Variants in ANO3 observed in about 807,000 individuals in gnomAD.
ANO3 encodes the protein anoctamin 3.
A neutral mutation model predicts 144.8 loss-of-function variants in ANO3; 99 were observed. That is an observed-to-expected ratio of 0.68 (90% CI 0.58 to 0.81). ANO3 has a LOEUF of 0.81. ANO3 is among the 30% of genes least tolerant of loss of function. The pLI is 0.00. For missense variants in ANO3, 905 were observed against 1,202.2 expected (o/e 0.75, Z 3.66); for synonymous variants, 414 against 392.6 (o/e 1.05, Z -0.64).
intron 1 of ANO3, among the ~76,000 whole-genome samples, chr11:26,235,771 T>A (rs1445205527): frequency 6.6e-6 from 1 of 151,034 alleles, no homozygotes; most frequent in South Asian, 2.1e-4. Flanking sequence ...TTTTGTGTCG[T>A]CCCCCCACAA....
chr11:26,611,309 G>T (rs1301662202), intron 17 of ANO3, among the ~76,000 whole-genome samples: 1 of 151,708 alleles, frequency 6.6e-6, no homozygotes, highest in Non-Finnish European at 1.5e-5. Context: ...GGTATGATGT[G>T]TTTCCAGTCT....
rs1276837209 is a variant in ANO3 at position 26,347,198 on chromosome 11, C to T, written c.46+14877C>T. On this transcript the variant is annotated intron_variant, in intron 1 of 26. Transcript: ENST00000256737. Reference sequence around the variant, plus strand: ...GGACTCTTACATGTGTAAAATAACACGTGCTTCATATGGTTGCCATGGGGA... The same window carrying T: ...GGACTCTTACATGTGTAAAATAACATGTGCTTCATATGGTTGCCATGGGGA... Among the ~76,000 whole-genome samples the T allele has an allele frequency of 3.9e-5, 6 of 152,262 alleles. No individual in the cohort carries two copies. The South Asian group carries it at 6.2e-4, about 16-fold the overall frequency.
At chr11:26,495,098 T>C (rs1260284192) in intron 4 of ANO3, among the ~76,000 whole-genome samples, 2 of 149,768 alleles carry the variant, frequency 1.3e-5, no homozygotes, top group Non-Finnish European at 3.0e-5. Flanking sequence ...TTTATTTATT[T>C]ATTTATTTAT....
At chr11:26,448,590 A>G (rs1002860121) in intron 3 of ANO3, among the ~76,000 whole-genome samples, 3 of 152,202 alleles carry the variant, frequency 2.0e-5, no homozygotes, top group Admixed American at 6.5e-5. Context: ...CTTTCATTCT[A>G]TAGATAATAT....
At chr11:26,579,979 T>C (rs1851087095) in intron 14 of ANO3, among the ~76,000 whole-genome samples, 1 of 152,102 alleles carries the variant, frequency 6.6e-6, no homozygotes, top group African/African-American at 2.4e-5. Flanking sequence ...TTATAGCCAT[T>C]CATGAGAAGA....
chr11:26,198,849 A>C (rs944936928), intron 1 of ANO3, among the ~76,000 whole-genome samples: 2 of 152,138 alleles, frequency 1.3e-5, no homozygotes, highest in African/African-American at 4.8e-5. Flanking sequence ...TACGTTTCTT[A>C]ATGTTTATGC....
At chr11:26,457,664 T>A (rs1259455068) in intron 3 of ANO3, among the ~76,000 whole-genome samples, 1 of 152,110 alleles carries the variant, frequency 6.6e-6, no homozygotes, top group Admixed American at 6.6e-5. Flanking sequence ...AGCTAACAAA[T>A]GATAAAACAA....
chr11:26,317,585 G>A (rs1031635201), intron 1 of ANO3, among the ~76,000 whole-genome samples: 6 of 152,120 alleles, frequency 3.9e-5, no homozygotes, highest in Non-Finnish European at 7.3e-5. Context: ...TCAGAATGGT[G>A]ATCATTAAAC....
intron 6 of ANO3, among the ~76,000 whole-genome samples, chr11:26,524,579 G>A (rs192834501): frequency 1.3e-5 from 2 of 152,146 alleles, no homozygotes; most frequent in Admixed American, 6.5e-5. Flanking sequence ...GGATAAAGAG[G>A]TATTTCAGAA....
At chr11:26,439,721 A>G (rs1456309461) in intron 1 of ANO3, among the ~76,000 whole-genome samples, 1 of 152,188 alleles carries the variant, frequency 6.6e-6, no homozygotes, top group East Asian at 1.9e-4. Flanking sequence ...ATAATATATA[A>G]TGTGACAAAC....
intron 14 of ANO3, among the ~76,000 whole-genome samples, chr11:26,577,104 C>G (rs1851006413): frequency 6.6e-6 from 1 of 152,062 alleles, no homozygotes; most frequent in Admixed American, 6.6e-5. Flanking sequence ...AGCCATTTCA[C>G]AAGAAGAGTT....
At chr11:26,268,862 G>A (rs1171317083) in intron 1 of ANO3, among the ~76,000 whole-genome samples, 1 of 152,092 alleles carries the variant, frequency 6.6e-6, no homozygotes. Flanking sequence ...TAAGCCATCA[G>A]AACAATGTGA....
At chr11:26,260,972 A>G (rs1032066614) in intron 1 of ANO3, among the ~76,000 whole-genome samples, 1 of 152,150 alleles carries the variant, frequency 6.6e-6, no homozygotes, top group Admixed American at 6.5e-5. Context: ...TATCTAGAGA[A>G]TTAGCATTTA....
At chr11:26,436,668 G>A (rs1858307217) in intron 1 of ANO3, among the ~76,000 whole-genome samples, 2 of 151,964 alleles carry the variant, frequency 1.3e-5, no homozygotes, top group South Asian at 4.2e-4. Context: ...AAAGCAGTCT[G>A]GCCACTTCTT....
intron 1 of ANO3, among the ~76,000 whole-genome samples, chr11:26,325,956 G>A (rs1355639253): frequency 6.6e-6 from 1 of 152,098 alleles, no homozygotes; most frequent in East Asian, 1.9e-4. Context: ...CAGTTAGACA[G>A]CATGCTAGGA....
chr11:26,247,616 G>T (rs1298526119), intron 1 of ANO3, among the ~76,000 whole-genome samples: 4 of 151,714 alleles, frequency 2.6e-5, no homozygotes, highest in Non-Finnish European at 4.4e-5. Context: ...AATTACTGCT[G>T]GAGTCTTTTT....
At position 26,418,278 on chromosome 11, in the gene ANO3, A is replaced by G. The variant is rs114669102; in HGVS notation, c.47-23640A>G. Among the ~76,000 whole-genome samples the G allele has an allele frequency of 2.6e-5, 4 of 152,244 alleles. No individual in the cohort carries two copies. In the East Asian group the frequency reaches 5.8e-4, roughly 22 times the overall value. On this transcript the variant is annotated intron_variant, in intron 1 of 26. Coordinates refer to ENST00000256737, the MANE Select transcript of ANO3 (RefSeq NM_031418.4). ...GGGTATGTTTGGGTTCACATTCTAC[A>G]CATCAACAAAATTGCTTTTAGTTGA...
chr11:26,246,997 T>C (rs1205399536), intron 1 of ANO3, among the ~76,000 whole-genome samples: 2 of 152,208 alleles, frequency 1.3e-5, no homozygotes, highest in East Asian at 3.8e-4. Context: ...AACAATAATA[T>C]ATAAAATATT....
rs138871627 is a variant in ANO3, at chr11:26,404,008, C to T, written c.47-37910C>T. Reference sequence around the variant, plus strand: ...ATTGTACCATTCATTATTCTTTGGTCGCATGCCATGCTTTTTGTCTTTTTT... The same window carrying T: ...ATTGTACCATTCATTATTCTTTGGTTGCATGCCATGCTTTTTGTCTTTTTT... On this transcript the variant is annotated intron_variant, in intron 1 of 26. Transcript: ENST00000256737. 5.6e-3 allele frequency among the ~76,000 whole-genome samples: 856 copies of T among 151,754 alleles called. 5 individuals carry two copies. The highest frequency in any genetic ancestry group is 9.8e-3 in the Non-Finnish European group (663 of 67,794).
Sources: gnomAD v4.1 joint callset for allele counts (sites outside exome capture counted in the v4.1 genomes callset) on GRCh38, gnomAD v4.1.1 for gene constraint, MANE v1.5 for transcripts, NCBI Gene and HGNC (gene_info 2026-07-23, HGNC 2026-07-21) for gene names.